Variants in NKD1 observed in about 807,000 individuals in gnomAD.
NKD1 encodes the protein NKD inhibitor of Wnt signaling pathway 1.
In NKD1, 21 loss-of-function variants were observed where a neutral mutation model predicts 56.0. That is an observed-to-expected ratio of 0.38 (90% CI 0.27 to 0.54). The LOEUF is 0.54. Among genes scored for constraint, NKD1 ranks in the 20% least tolerant of loss-of-function variants. The pLI, the probability that NKD1 is intolerant of heterozygous loss-of-function variation, is 0.82. For synonymous variants in NKD1, 263 were observed against 265.7 expected (o/e 0.99, Z 0.10); for missense variants, 578 against 642.7 (o/e 0.90, Z 1.09).
chr16:50,553,662 C>T (rs1419536487), intron 3 of NKD1: 2 of 152,236 alleles, frequency 1.3e-5, no homozygotes, highest in Admixed American at 1.3e-4. Flanking sequence ...GGCTTCTTTA[C>T]GTGGTTTCAA....
chr16:50,624,047 G>A (rs529224755), intron 5 of NKD1, among the ~76,000 whole-genome samples: 2 of 152,188 alleles, frequency 1.3e-5, no homozygotes, highest in African/African-American at 2.4e-5. Context: ...GGGTCAGGAC[G>A]CCGTGCTGGG....
intron 3 of NKD1, among the ~76,000 whole-genome samples, chr16:50,559,309 A>G (rs1244668752): frequency 6.6e-6 from 1 of 152,192 alleles, no homozygotes; most frequent in African/African-American, 2.4e-5. Context: ...AGTGAAGGAA[A>G]AGGATGGGGA....
intron 3 of NKD1, among the ~76,000 whole-genome samples, chr16:50,601,458 G>A (rs747885450): frequency 1.3e-5 from 2 of 152,214 alleles, no homozygotes; most frequent in Non-Finnish European, 2.9e-5. Context: ...GGTACCAGGC[G>A]CTGTTTGAGG....
chr16:50,630,885 G>C lies in NKD1; in HGVS notation c.670G>C (p.Glu224Gln). The C allele has an allele frequency of 6.2e-7, 1 of 1,604,270 alleles. No individual in the cohort carries two copies. The highest frequency in any genetic ancestry group is 8.5e-7 in the Non-Finnish European group (1 of 1,175,818). The change falls in exon 8 of 10, where the codon GAG (glutamate) becomes CAG (glutamine). Residue 224 changes from glutamate (E) to glutamine (Q), a missense_variant. Transcript: ENST00000268459. ...TKPTEDLRSW[E>Q]KKQRAPLRFQ... ...GCCCACTGAGGACCTGCGGAGCTGG[G>C]AGAAGAAGCAGCGAGCCCCGCTCAG...
chr16:50,587,263 C>T (rs1186994473), intron 3 of NKD1, among the ~76,000 whole-genome samples: 2 of 152,216 alleles, frequency 1.3e-5, no homozygotes, highest in African/African-American at 4.8e-5. Context: ...TGAGACTCTG[C>T]ATTTCTGACC....
chr16:50,575,383 G>A (rs1193941610), intron 3 of NKD1: 4 of 977,672 alleles, frequency 4.1e-6, no homozygotes, highest in Non-Finnish European at 4.9e-6. Context: ...ACATCAGCGC[G>A]AGGGTAATTG....
chr16:50,575,924 G>C (rs1960984777), intron 3 of NKD1, among the ~76,000 whole-genome samples: 1 of 152,094 alleles, frequency 6.6e-6, no homozygotes, highest in African/African-American at 2.4e-5. Context: ...TGGAGGTCAG[G>C]GATACTGCCA....
chr16:50,550,055 C>A (rs1488017942), intron 3 of NKD1, among the ~76,000 whole-genome samples: 1 of 152,080 alleles, frequency 6.6e-6, no homozygotes, highest in Non-Finnish European at 1.5e-5. Flanking sequence ...GGTAGCAGAT[C>A]TAGGGGGACT....
chr16:50,548,536 G>T lies in NKD1; in HGVS notation c.-18G>T, dbSNP rs1200079171. On this transcript the variant is annotated 5_prime_UTR_variant, in exon 1 of 10. Coordinates refer to ENST00000268459, the MANE Select transcript of NKD1 (RefSeq NM_033119.5). ...GGGCGCATGGCTTAGGGACGCTCCC[G>T]GCCGCCGCAGCCCCAGCATGGGGAA... is the stretch of plus-strand genomic sequence containing the variant. 1 of 1,462,140 alleles carries T rather than the reference G, an allele frequency of 6.8e-7. No individual in the cohort carries two copies. Among genetic ancestry groups the T allele is most frequent in the Admixed American group, 2.4e-5 (1 of 41,778 alleles). 90.6% of individuals were successfully genotyped at this position (1,462,140 alleles called of 1,614,324 possible). A position where few individuals can be genotyped will look rare whatever the true frequency, so the allele number is the denominator to read the frequency against.
intron 3 of NKD1, among the ~76,000 whole-genome samples, chr16:50,576,102 C>T (rs967413346): frequency 1.3e-5 from 2 of 152,214 alleles, no homozygotes; most frequent in Non-Finnish European, 2.9e-5. Context: ...TCTGAGTTCC[C>T]AGAATTGATT....
chr16:50,610,366 G>A (rs1961816426), intron 4 of NKD1, among the ~76,000 whole-genome samples: 1 of 152,170 alleles, frequency 6.6e-6, no homozygotes, highest in Admixed American at 6.5e-5. Flanking sequence ...GGGACCCTGG[G>A]CCCAGTGACC....
chr16:50,566,966 T>C (rs2216054), intron 3 of NKD1, among the ~76,000 whole-genome samples: 12,445 of 151,936 alleles, frequency 0.082, 828 homozygotes, highest in African/African-American at 0.18. Flanking sequence ...TCAGGGCACC[T>C]ATGGCCCCAG....
intron 3 of NKD1, chr16:50,606,250 G>A (rs752058001): frequency 8.5e-5 from 13 of 153,484 alleles, no homozygotes; most frequent in Non-Finnish European, 1.9e-4. Context: ...GCAGAGATGG[G>A]GTTTCATTAT....
intron 3 of NKD1, among the ~76,000 whole-genome samples, chr16:50,576,023 C>T (rs767794569): frequency 6.6e-5 from 10 of 152,198 alleles, no homozygotes; most frequent in Non-Finnish European, 1.2e-4. Context: ...GAAACCCTGC[C>T]GTAGGGGAGC....
chr16:50,573,870 G>T, intron 3 of NKD1: 2 of 985,400 alleles, frequency 2.0e-6, no homozygotes, highest in Non-Finnish European at 2.4e-6. Context: ...GAGCAGGGGC[G>T]GGGGTGAGGG....
At chr16:50,625,409 C>T in intron 5 of NKD1, 76 bp from the exon 6 acceptor site, 2 of 1,056,644 alleles carry the variant, frequency 1.9e-6, no homozygotes, top group Non-Finnish European at 2.9e-6. Flanking sequence ...GGCCTGGCCT[C>T]TAGGCCCAGG....
At chr16:50,606,735 C>T in intron 3 of NKD1, 1 of 448,352 alleles carries the variant, frequency 2.2e-6, no homozygotes, top group Non-Finnish European at 4.5e-6. Context: ...AGGCGCAGAG[C>T]CCCGCTCTGC....
At chr16:50,565,905 T>A (rs1166847383) in intron 3 of NKD1, among the ~76,000 whole-genome samples, 2 of 152,230 alleles carry the variant, frequency 1.3e-5, no homozygotes, top group African/African-American at 4.8e-5. Flanking sequence ...ATTGATTCCT[T>A]ACTACTGGGC....
intron 4 of NKD1, among the ~76,000 whole-genome samples, chr16:50,611,072 G>A (rs1448300711): frequency 2.0e-5 from 3 of 152,214 alleles, no homozygotes; most frequent in Admixed American, 6.5e-5. Flanking sequence ...AGGACTCCAG[G>A]TAGTCGCAGC....
Sources: allele counts gnomAD v4.1 joint callset (sites outside exome capture counted in the v4.1 genomes callset), GRCh38; gene constraint gnomAD v4.1.1; transcripts MANE v1.5; gene names NCBI Gene and HGNC (gene_info 2026-07-23, HGNC 2026-07-21).